The following POLR3A variants were observed in gnomAD, a reference collection of about 807,000 sequenced individuals.
POLR3A encodes the protein DNA-directed RNA polymerase III subunit RPC1.
Under a neutral mutation model 152.8 loss-of-function variants are expected in POLR3A, and 112 were observed. That is an observed-to-expected ratio of 0.73 (90% CI 0.63 to 0.86). POLR3A has a LOEUF of 0.86. Among genes scored for constraint, POLR3A ranks in the 40% least tolerant of loss-of-function variants. The pLI, the probability that POLR3A is intolerant of heterozygous loss-of-function variation, is 0.00. For missense variants in POLR3A, 1,385 were observed against 1,743.1 expected (o/e 0.79, Z 3.66); for synonymous variants, 615 against 652.1 (o/e 0.94, Z 0.87).
chr10:78,013,160 T>C (rs906171618), intron 11 of POLR3A: 13 of 233,338 alleles, frequency 5.6e-5, no homozygotes, highest in African/African-American at 2.7e-4. Flanking sequence ...TATCATTATG[T>C]ATAATACTGC....
intron 19 of POLR3A, among the ~76,000 whole-genome samples, chr10:77,996,109 C>A (rs969508994): frequency 1.2e-4 from 18 of 152,016 alleles, no homozygotes; most frequent in African/African-American, 4.4e-4. Flanking sequence ...TTCTTTGAAA[C>A]CAACGAGAAC....
In POLR3A at chr10:77,993,361, G is replaced by T. The variant is rs1847268185; in HGVS notation, c.2623C>A (p.Leu875Ile). The change falls in exon 20 of 31, where the codon CTT (leucine) becomes ATT (isoleucine). Residue 875 changes from leucine (L) to isoleucine (I), a missense_variant. By Grantham distance (5) the Leu-to-Ile change is conservative. Transcript: ENST00000372371. ...TAETGYMQRR[L>I]VKSLEDLCSQ... ...CAAAGATCTTCAAGAGATTTGACAA[G>T]CCTTCGCTAAAGGAAAAGGAGGAAA... The T allele has an allele frequency of 1.9e-6, 3 of 1,613,162 alleles. No individual in the cohort carries two copies. The highest frequency in any genetic ancestry group is 2.7e-5 in the African/African-American group (2 of 74,916).
chr10:77,997,602 T>C (rs1335430108), intron 19 of POLR3A, among the ~76,000 whole-genome samples: 1 of 152,170 alleles, frequency 6.6e-6, no homozygotes, highest in African/African-American at 2.4e-5. Flanking sequence ...TTACAAGGGA[T>C]GTGAAGGACC....
chr10:77,987,528 A>G (rs1255939116), intron 21 of POLR3A, among the ~76,000 whole-genome samples: 1 of 152,106 alleles, frequency 6.6e-6, no homozygotes, highest in Non-Finnish European at 1.5e-5. Flanking sequence ...GGTCCCCCAG[A>G]GAGAAGGCCA....
chr10:78,014,441 T>G (rs11002371), intron 10 of POLR3A, among the ~76,000 whole-genome samples: 15,422 of 152,188 alleles, frequency 0.1, 2,565 homozygotes, highest in African/African-American at 0.35. Context: ...TTTTGAGACG[T>G]AGTCTCACTC....
chr10:77,996,164 G>A (rs982695149), intron 19 of POLR3A, among the ~76,000 whole-genome samples: 1 of 152,120 alleles, frequency 6.6e-6, no homozygotes, highest in African/African-American at 2.4e-5. Flanking sequence ...TCAAAGCAGT[G>A]TGTAGAGGGA....
At chr10:77,997,836 A>G (rs1001173705) in intron 19 of POLR3A, among the ~76,000 whole-genome samples, 6 of 151,926 alleles carry the variant, frequency 3.9e-5, no homozygotes, top group South Asian at 2.1e-4. Flanking sequence ...AAAAGAGCCC[A>G]CATCGCCAAG....
At chr10:78,007,052 C>T (rs1050879671) in intron 15 of POLR3A, among the ~76,000 whole-genome samples, 2 of 151,950 alleles carry the variant, frequency 1.3e-5, no homozygotes, top group African/African-American at 4.8e-5. Context: ...GCCTGGGTGA[C>T]AGAGCAAGAC....
intron 3 of POLR3A, 106 bp downstream of exon 3, chr10:78,025,516 T>G (rs1847624519): frequency 9.6e-7 from 1 of 1,037,748 alleles, no homozygotes; most frequent in African/African-American, 1.6e-5. Flanking sequence ...TATAAAAGAG[T>G]CCCCTAGATG....
Position 78,017,805 on chromosome 10 carries a change from T to C in POLR3A, c.1290-89A>G, listed in dbSNP as rs141785168. 3.2e-5 allele frequency: 44 copies of C among 1,370,768 alleles called. No homozygotes were observed. The African/African-American group carries it at 5.1e-4, about 16-fold the overall frequency. 84.9% of individuals were successfully genotyped at this position (1,370,768 alleles called of 1,614,324 possible). ...TCAGATCAGGATTCAATCTTTAATATATTATTTCATCAAATCTAAGATGCC... is the reference window on the plus strand; with the variant it reads ...TCAGATCAGGATTCAATCTTTAATACATTATTTCATCAAATCTAAGATGCC... On this transcript the variant is annotated intron_variant, in intron 9 of 30. Coordinates refer to ENST00000372371, the MANE Select transcript of POLR3A (RefSeq NM_007055.4).
rs796882356 is a variant in POLR3A, at chr10:77,985,757, AC to A, written c.3071+145del. The A allele has an allele frequency of 3.6e-5, 26 of 719,226 alleles. No individual in the cohort carries two copies. In the African/African-American group the frequency reaches 4.2e-4, roughly 12 times the overall value. 44.6% of individuals were successfully genotyped at this position (719,226 alleles called of 1,614,324 possible). On this transcript the variant is annotated intron_variant, in intron 23 of 30. Coordinates refer to ENST00000372371, the MANE Select transcript of POLR3A (RefSeq NM_007055.4). Reference sequence around the variant, plus strand: ...AGCATTCAGACTGGCAATTCATCAGACCCCCTACAGAAAATGTGACAGAATC... The same window carrying A: ...AGCATTCAGACTGGCAATTCATCAGACCCCTACAGAAAATGTGACAGAATC...
chr10:78,026,001 T>A, intron 2 of POLR3A, 93 bp downstream of exon 2: 9 of 1,508,038 alleles, frequency 6.0e-6, no homozygotes, highest in Non-Finnish European at 8.2e-6. Context: ...ATTGAGGAGA[T>A]GGAAGGAAGC....
At chr10:77,990,942 A>G in intron 21 of POLR3A, 112 bp downstream of exon 21, 11 of 707,370 alleles carry the variant, frequency 1.6e-5, no homozygotes, top group South Asian at 1.5e-4. Context: ...CAAAGGAACA[A>G]CCCTACCTTA....
intron 17 of POLR3A, among the ~76,000 whole-genome samples, chr10:78,001,967 C>T (rs1340896091): frequency 2.0e-5 from 3 of 151,988 alleles, no homozygotes; most frequent in African/African-American, 4.8e-5. Context: ...TTTTTAAAGA[C>T]CACGTTGCTC....
At chr10:78,021,789 C>G in intron 7 of POLR3A, 71 bp downstream of exon 7, 1 of 1,609,888 alleles carries the variant, frequency 6.2e-7, no homozygotes, top group East Asian at 2.2e-5. Flanking sequence ...ATCAGAGAAG[C>G]TGGACAGACA....
In POLR3A at chr10:78,029,374, C is replaced by A; in HGVS notation, c.34G>T (p.Ala12Ser). The A allele has an allele frequency of 6.2e-7, 1 of 1,614,138 alleles. No homozygotes were observed. Among genetic ancestry groups the A allele is most frequent in the Non-Finnish European group, 8.5e-7 (1 of 1,180,022 alleles). ...CTTACTCCGTCTTACATTTTCTTGG[C>A]CACATCCGTCTCCCGGAACTGCTCC... The part of the protein sequence containing the change: ...VKEQFRETDV[A>S]KKISHICFGM... Residue 12 changes from alanine to serine, a missense_variant, in exon 1 of 31, where the codon GCC becomes TCC. Coordinates refer to ENST00000372371, the MANE Select transcript of POLR3A (RefSeq NM_007055.4).
chr10:77,981,289 C>G, intron 29 of POLR3A, 139 bp downstream of exon 29: 2 of 901,416 alleles, frequency 2.2e-6, no homozygotes, highest in Non-Finnish European at 3.6e-6. Flanking sequence ...GGTTTTTGAG[C>G]AATGTTCACA....
Position 78,021,416 on chromosome 10 carries a change from C to T in POLR3A, c.1185+130G>A, listed in dbSNP as rs1038261550. 2.4e-5 allele frequency: 20 copies of T among 834,892 alleles called. No individual in the cohort carries two copies. In the African/African-American group the frequency reaches 2.8e-4, roughly 11 times the overall value. The allele number at this position is 834,892 out of a possible 1,614,324, so 51.7% of individuals were successfully genotyped here. The stretch of plus-strand genomic sequence containing the variant: ...AAAGCAAACTGGGAAGACACATACA[C>T]TCATATAAACCAAACTGTGGGTTGA... On this transcript the variant is annotated intron_variant, in intron 8 of 30. Transcript: ENST00000372371.
chr10:77,990,215 A>C (rs1041072943), intron 21 of POLR3A, among the ~76,000 whole-genome samples: 3 of 152,172 alleles, frequency 2.0e-5, no homozygotes, highest in African/African-American at 4.8e-5. Flanking sequence ...TAAAAAAAAA[A>C]CAAAAAACAA....
Sources: gnomAD v4.1 joint callset for allele counts (sites outside exome capture counted in the v4.1 genomes callset) on GRCh38, gnomAD v4.1.1 for gene constraint, MANE v1.5 for transcripts, NCBI Gene and HGNC (gene_info 2026-07-23, HGNC 2026-07-21) for gene names.